The following ERMP1 variants were observed in gnomAD, a reference collection of about 807,000 sequenced individuals.
The protein encoded by ERMP1 is Felix-ina.
A neutral mutation model predicts 92.0 loss-of-function variants in ERMP1; 86 were observed. That is an observed-to-expected ratio of 0.93 (90% CI 0.79 to 1.12). The LOEUF (loss-of-function observed/expected upper bound fraction) is 1.12, where lower values mean the gene tolerates loss of function less well. Among genes scored for constraint, ERMP1 ranks in the 50% most tolerant of loss-of-function variants. The pLI is 0.00. For synonymous variants in ERMP1, 530 were observed against 412.8 expected (o/e 1.28, Z -3.44); for missense variants, 1,342 against 1,116.3 (o/e 1.20, Z -2.88).
intron 6 of ERMP1, among the ~76,000 whole-genome samples, chr9:5,852,854 G>C (rs1353171557): frequency 6.6e-6 from 1 of 152,086 alleles, no homozygotes; most frequent in African/African-American, 2.4e-5. Context: ...TTGTAAATGA[G>C]ATAAAAATCC....
At chr9:5,808,612 T>C (rs903708784) in intron 8 of ERMP1, among the ~76,000 whole-genome samples, 4 of 152,204 alleles carry the variant, frequency 2.6e-5, no homozygotes, top group African/African-American at 7.2e-5. Context: ...TCAGGATAAA[T>C]TGAAAACAGT....
At chr9:5,789,720 A>G (rs1053484584) in intron 13 of ERMP1, among the ~76,000 whole-genome samples, 2 of 152,040 alleles carry the variant, frequency 1.3e-5, no homozygotes, top group Non-Finnish European at 2.9e-5. Flanking sequence ...CCACTGCTCT[A>G]TCGCCTAGGC....
intron 5 of ERMP1, among the ~76,000 whole-genome samples, chr9:5,863,367 A>G (rs1586851542): frequency 6.6e-6 from 1 of 152,180 alleles, no homozygotes; most frequent in Non-Finnish European, 1.5e-5. Flanking sequence ...CATCACCACA[A>G]CATTCTTATG....
At chr9:5,788,613 C>A (rs1828038901) in intron 13 of ERMP1, among the ~76,000 whole-genome samples, 2 of 151,982 alleles carry the variant, frequency 1.3e-5, no homozygotes, top group African/African-American at 4.8e-5. Context: ...TGCTAGAAAT[C>A]TTACAAAACA....
chr9:5,846,628 C>A (rs1212220997), intron 6 of ERMP1, among the ~76,000 whole-genome samples: 1 of 152,158 alleles, frequency 6.6e-6, no homozygotes, highest in Non-Finnish European at 1.5e-5. Flanking sequence ...AAGGATTGGG[C>A]AAGCACTTAC....
chr9:5,865,508 AAAAAAT>A lies in ERMP1; in HGVS notation n.3055+2288_3055+2293del, dbSNP rs1258913906. On this transcript the variant is annotated intron_variant and non_coding_transcript_variant, in intron 5 of 6. Transcript: ENST00000690753. The stretch of plus-strand genomic sequence containing the variant: ...GGGCGACAGAGCAAGACTCCATCTC[AAAAAAT>A]AATAATAATAATAATAATAATAATA... Among the ~76,000 whole-genome samples, 121 of 39,174 alleles carry A rather than the reference AAAAAAT, an allele frequency of 3.1e-3. 1 individual carries two copies. The Middle Eastern group carries it at 0.062, about 20-fold the overall frequency. 25.7% of individuals were successfully genotyped at this position (39,174 alleles called of 152,430 possible). A position where few individuals can be genotyped will look rare whatever the true frequency, so the allele number is the denominator to read the frequency against.
At chr9:5,845,970 G>A (rs1192396486) in intron 6 of ERMP1, among the ~76,000 whole-genome samples, 1 of 152,176 alleles carries the variant, frequency 6.6e-6, no homozygotes, top group Non-Finnish European at 1.5e-5. Flanking sequence ...TGTCAGGCAG[G>A]CCTGGATGGG....
chr9:5,847,638 G>C (rs899430881), intron 6 of ERMP1, among the ~76,000 whole-genome samples: 4 of 151,512 alleles, frequency 2.6e-5, no homozygotes, highest in Non-Finnish European at 4.4e-5. Flanking sequence ...GCTCACACCT[G>C]TAATCCCGGC....
At chr9:5,836,325 T>C (rs903190408), upstream of ERMP1, among the ~76,000 whole-genome samples, 7 of 152,230 alleles carry the variant, frequency 4.6e-5, no homozygotes, top group African/African-American at 1.7e-4. Flanking sequence ...TGAAGTTCTC[T>C]GAGGCTCAGG....
In ERMP1 at chr9:5,823,917, T is replaced by C; in HGVS notation, c.853A>G (p.Lys285Glu). 2 of 1,613,216 alleles carry C rather than the reference T, an allele frequency of 1.2e-6. No homozygotes were observed. Among genetic ancestry groups the C allele is most frequent in the Non-Finnish European group, 1.7e-6 (2 of 1,179,244 alleles). The change falls in exon 4 of 15, where the codon AAA becomes GAA. Residue 285 changes from lysine to glutamate, a missense_variant. Transcript: ENST00000339450. ...INLEAAGVGG[K>E]ELVFQTGPEN... ...ATACCTGTTTGGAATACAAGTTCTTTCCCTCCTACACCTGCTGCCTCTAGG... is the reference window on the plus strand; with the variant it reads ...ATACCTGTTTGGAATACAAGTTCTTCCCCTCCTACACCTGCTGCCTCTAGG...
At chr9:5,808,498 C>T (rs1261631327) in intron 8 of ERMP1, among the ~76,000 whole-genome samples, 1 of 152,192 alleles carries the variant, frequency 6.6e-6, no homozygotes, top group Non-Finnish European at 1.5e-5. Flanking sequence ...TTCCACAGAA[C>T]ACATCCCAAC....
chr9:5,834,703 ATGTGTGTG>A (rs766269385), upstream of ERMP1, among the ~76,000 whole-genome samples: 249 of 122,990 alleles, frequency 2.0e-3, 1 homozygote, highest in African/African-American at 5.3e-3. Flanking sequence ...GTATGTATAT[ATGTGTGTG>A]TGTGTGTGTG....
intron 6 of ERMP1, among the ~76,000 whole-genome samples, chr9:5,846,949 C>A (rs1830243918): frequency 6.6e-6 from 1 of 152,168 alleles, no homozygotes; most frequent in Admixed American, 6.5e-5. Flanking sequence ...TTATGGCAGA[C>A]AGAGACCATT....
intron 5 of ERMP1, among the ~76,000 whole-genome samples, chr9:5,862,938 G>A (rs1476231862): frequency 1.3e-5 from 2 of 152,200 alleles, no homozygotes; most frequent in Non-Finnish European, 2.9e-5. Flanking sequence ...CAGTGTTAAT[G>A]GAGCAGACAG....
intron 2 of ERMP1, among the ~76,000 whole-genome samples, chr9:5,830,064 C>T (rs1232348082): frequency 2.0e-5 from 3 of 152,186 alleles, no homozygotes; most frequent in Admixed American, 2.0e-4. Flanking sequence ...GTATGGCACC[C>T]TCAGTGGAGC....
chr9:5,801,101 G>C (rs1299706762), intron 11 of ERMP1, 75 bp downstream of exon 11: 4 of 1,464,142 alleles, frequency 2.7e-6, no homozygotes, highest in Non-Finnish European at 3.7e-6. Context: ...AGCTGCGCTT[G>C]CTATTCACTA....
At chr9:5,853,843 C>T (rs557459799) in intron 6 of ERMP1, among the ~76,000 whole-genome samples, 94 of 150,866 alleles carry the variant, frequency 6.2e-4, no homozygotes, top group African/African-American at 2.3e-3. Context: ...CTAGATGTAG[C>T]CTTGCTTCTG....
At chr9:5,841,957 G>A (rs1424794612) in intron 6 of ERMP1, among the ~76,000 whole-genome samples, 6 of 152,148 alleles carry the variant, frequency 3.9e-5, no homozygotes, top group African/African-American at 7.2e-5. Flanking sequence ...TAAAGGTGGC[G>A]CATCCGGAGT....
chr9:5,794,439 T>C (rs1014557734), intron 13 of ERMP1, among the ~76,000 whole-genome samples: 2 of 151,614 alleles, frequency 1.3e-5, no homozygotes, highest in African/African-American at 2.4e-5. Flanking sequence ...CAGAACTCAA[T>C]AGAGAAAACC....
Sources: gnomAD v4.1 joint callset for allele counts (sites outside exome capture counted in the v4.1 genomes callset) on GRCh38, gnomAD v4.1.1 for gene constraint, MANE v1.5 for transcripts, NCBI Gene and HGNC (gene_info 2026-07-23, HGNC 2026-07-21) for gene names.